CCNF: variants seen among roughly 807,000 people sequenced by gnomAD.
CCNF encodes the protein cyclin-F.
A neutral mutation model predicts 85.4 loss-of-function variants in CCNF; 30 were observed. That is an observed-to-expected ratio of 0.35 (90% CI 0.26 to 0.48). The LOEUF (loss-of-function observed/expected upper bound fraction) is 0.48. Among genes scored for constraint, CCNF ranks in the 20% least tolerant of loss-of-function variants. The pLI is 0.99. For synonymous variants in CCNF, 439 were observed against 425.1 expected (o/e 1.03, Z -0.40); for missense variants, 919 against 1,010.4 (o/e 0.91, Z 1.23).
intron 10 of CCNF, among the ~76,000 whole-genome samples, chr16:2,448,152 T>C: frequency 6.6e-6 from 1 of 152,232 alleles, no homozygotes; most frequent in Non-Finnish European, 1.5e-5. Flanking sequence ...CCAACAACCC[T>C]TGGGCCCTTT....
At chr16:2,450,857 C>T (rs779410813) in intron 13 of CCNF, among the ~76,000 whole-genome samples, 1 of 152,232 alleles carries the variant, frequency 6.6e-6, no homozygotes, top group African/African-American at 2.4e-5. Flanking sequence ...AAATACTCCC[C>T]TTCCCTTGAG....
chr16:2,432,072 C>T lies in CCNF; in HGVS notation c.171+788C>T, dbSNP rs181021092. Among the ~76,000 whole-genome samples, 139 of 152,186 alleles carry T rather than the reference C, an allele frequency of 9.1e-4. 2 individuals carry two copies. In the East Asian group the frequency reaches 0.02, roughly 22 times the overall value. ...GTCTCTATCTCTTGACCTCGTGATC[C>T]GCCCGCCTCGGCCTCCCAAAGTGCT... On this transcript the variant is annotated intron_variant, in intron 2 of 16. Transcript: ENST00000397066.
intron 3 of CCNF, among the ~76,000 whole-genome samples, chr16:2,433,892 G>C (rs2065274752): frequency 6.6e-6 from 1 of 152,256 alleles, no homozygotes; most frequent in Admixed American, 6.5e-5. Flanking sequence ...CAGAAATCCA[G>C]ATCGACAGCC....
In CCNF at chr16:2,456,938, T is replaced by A. The variant is rs1447138083; in HGVS notation, c.2279T>A (p.Val760Asp). The change falls in exon 17 of 17, where the codon GTT (valine) becomes GAT (aspartate). Residue 760 changes from valine (V) to aspartate (D), a missense_variant. Physicochemically the swap from Val to Asp is radical, Grantham distance 152 (BLOSUM62 -3). Coordinates refer to ENST00000397066, the MANE Select transcript of CCNF (RefSeq NM_001761.3). The surrounding 1 kb of genome is among the most constrained non-coding windows in gnomAD (Gnocchi z 4.5). ...CRPPSPPESS[V>D]PQQQVKRINL... Reference sequence around the variant, plus strand: ...CCCCCAAGTCCCCCGGAGAGCAGTGTTCCCCAGCAACAGGTGAAGCGGATA... The same window carrying A: ...CCCCCAAGTCCCCCGGAGAGCAGTGATCCCCAGCAACAGGTGAAGCGGATA... 6.2e-7 allele frequency: 1 copy of A among 1,613,852 alleles called. No homozygotes were observed. The highest frequency in any genetic ancestry group is 1.7e-5 in the Admixed American group (1 of 59,992).
Position 2,451,590 on chromosome 16 carries a change from G to T in CCNF, c.1488-1620G>T, listed in dbSNP as rs1463118770. Among the ~76,000 whole-genome samples the T allele has an allele frequency of 6.6e-6, 1 of 152,004 alleles. No homozygotes were observed. The highest frequency in any genetic ancestry group is 1.5e-5 in the Non-Finnish European group (1 of 67,990). On this transcript the variant is annotated intron_variant, in intron 13 of 16. Coordinates refer to ENST00000397066, the MANE Select transcript of CCNF (RefSeq NM_001761.3). This position sits in a 1 kb window ranked among gnomAD's most constrained non-coding sequence, Gnocchi z 4.3. The stretch of plus-strand genomic sequence containing the variant: ...TTTTTTTTCCTTTTTTGAGTTGGGG[G>T]CCCAGGCTGGAGTGCAGTGGCACCA...
chr16:2,437,647 G>A (rs1192219012), intron 5 of CCNF: 5 of 335,274 alleles, frequency 1.5e-5, no homozygotes, highest in Non-Finnish European at 2.8e-5. Context: ...CTAGCACTTT[G>A]GGAGGCCGAG....
At position 2,453,167 on chromosome 16, in the gene CCNF, T is replaced by G. The variant is rs1567390749; in HGVS notation, c.1488-43T>G. The G allele has an allele frequency of 6.5e-7, 1 of 1,546,054 alleles. No homozygotes were observed. Among genetic ancestry groups the G allele is most frequent in the Admixed American group, 1.7e-5 (1 of 59,862 alleles). ...CAGTGAACTGAAGCTAAAAATGGGG[T>G]GGGGGTGCCTCACATGTCCACTCCA... is the stretch of plus-strand genomic sequence containing the variant. On this transcript the variant is annotated intron_variant, in intron 13 of 16. Transcript: ENST00000397066. The surrounding 1 kb of genome is among the most constrained non-coding windows in gnomAD (Gnocchi z 5.6).
intron 9 of CCNF, among the ~76,000 whole-genome samples, chr16:2,444,199 G>A (rs1015979977): frequency 7.9e-5 from 12 of 151,876 alleles, no homozygotes; most frequent in Non-Finnish European, 1.2e-4. Flanking sequence ...GATTACAGGC[G>A]TGAGCCACCG....
chr16:2,438,950 A>G (rs943680269), intron 6 of CCNF, among the ~76,000 whole-genome samples: 1 of 151,742 alleles, frequency 6.6e-6, no homozygotes, highest in African/African-American at 2.4e-5. Context: ...GTTAGCCAAG[A>G]TCGTGCCACT....
At position 2,456,476 on chromosome 16, in the gene CCNF, G is replaced by T; in HGVS notation, c.1886-69G>T. ...TTCTTGACCTGGACTTCAGGGTCCT[G>T]ACCTGGCAGGGGGTCTCCCCTGATG... On this transcript the variant is annotated intron_variant, in intron 16 of 16. Coordinates refer to ENST00000397066, the MANE Select transcript of CCNF (RefSeq NM_001761.3). The surrounding 1 kb of genome is among the most constrained non-coding windows in gnomAD (Gnocchi z 4.5). The T allele has an allele frequency of 8.8e-7, 1 of 1,131,416 alleles. No individual in the cohort carries two copies. The highest frequency in any genetic ancestry group is 1.6e-5 in the South Asian group (1 of 62,274). 70.1% of individuals were successfully genotyped at this position (1,131,416 alleles called of 1,614,324 possible).
intron 10 of CCNF, among the ~76,000 whole-genome samples, chr16:2,446,965 A>T (rs12926965): frequency 0.75 from 114,650 of 152,130 alleles, 44,136 homozygotes; most frequent in African/African-American, 0.92. Context: ...CCATGGAAGG[A>T]GGGAGCAAAC....
chr16:2,445,792 A>T (rs1169486242), intron 10 of CCNF, among the ~76,000 whole-genome samples, 170 bp downstream of exon 10: 2 of 145,454 alleles, frequency 1.4e-5, no homozygotes, highest in Non-Finnish European at 3.0e-5. Flanking sequence ...CAGTGGTGCG[A>T]TCTTGGCTCA....
rs1157619960 is a variant in CCNF at position 2,457,617 on chromosome 16, ACGTGACT to A, written c.*601_*607del. 3 of 152,556 alleles carry A rather than the reference ACGTGACT, an allele frequency of 2.0e-5. No homozygotes were observed. Among genetic ancestry groups the A allele is most frequent in the African/African-American group, 7.2e-5 (3 of 41,588 alleles). 9.5% of individuals were successfully genotyped at this position (152,556 alleles called of 1,614,324 possible). ...TGGCCACAGGCCCACTCCCTACGAC[ACGTGACT>A]CGTTTTAGAGCTCTGTCCCAGAGGC... is the stretch of plus-strand genomic sequence containing the variant. On this transcript the variant is annotated 3_prime_UTR_variant, in exon 17 of 17. Coordinates refer to ENST00000397066, the MANE Select transcript of CCNF (RefSeq NM_001761.3).
chr16:2,431,024 T>C, intron 1 of CCNF, 106 bp from the exon 2 acceptor site: 1 of 1,152,836 alleles, frequency 8.7e-7, no homozygotes, highest in Non-Finnish European at 1.3e-6. Flanking sequence ...ATAGTAACCA[T>C]TAGATCATCT....
rs1463200259 is a variant in CCNF, at chr16:2,452,507, C to G, written c.1488-703C>G. On this transcript the variant is annotated intron_variant, in intron 13 of 16. Transcript: ENST00000397066. This position sits in a 1 kb window ranked among gnomAD's most constrained non-coding sequence, Gnocchi z 4.1. The stretch of plus-strand genomic sequence containing the variant: ...TCTGGGCTGCGTTTATTCTCTTCCT[C>G]CTGAAGAAGTTAATTTTTTTTCCAA... 6.6e-6 allele frequency: 1 copy of G among 152,344 alleles called. No homozygotes were observed. The highest frequency in any genetic ancestry group is 1.5e-5 in the Non-Finnish European group (1 of 68,176). The allele number at this position is 152,344 out of a possible 1,614,324, so 9.4% of individuals were successfully genotyped here.
At chr16:2,454,957 G>T (rs2141831897) in intron 15 of CCNF, among the ~76,000 whole-genome samples, 1 of 151,460 alleles carries the variant, frequency 6.6e-6, no homozygotes, top group African/African-American at 2.4e-5. Context: ...CTACTCAGGA[G>T]CCTGAGGCAG....
At chr16:2,441,977 A>ATATATC (rs1411330927) in intron 8 of CCNF, among the ~76,000 whole-genome samples, 15 of 95,856 alleles carry the variant, frequency 1.6e-4, no homozygotes, top group Non-Finnish European at 3.1e-4. Flanking sequence ...ATATATATAT[A>ATATATC]TATATGTTTT....
intron 2 of CCNF, among the ~76,000 whole-genome samples, chr16:2,431,669 G>A: frequency 9.6e-6 from 1 of 104,470 alleles, no homozygotes. Context: ...GACAGAGCGA[G>A]ACTCTGTCTC....
At chr16:2,449,793 C>T (rs1484512179) in intron 12 of CCNF, 35 bp from the exon 13 acceptor site, 4 of 1,269,828 alleles carry the variant, frequency 3.2e-6, no homozygotes, top group Non-Finnish European at 4.6e-6. Flanking sequence ...CCGTCCCCTC[C>T]ATCCCCTCCA....
Sources: gnomAD v4.1 joint callset for allele counts (sites outside exome capture counted in the v4.1 genomes callset) on GRCh38, gnomAD v4.1.1 for gene constraint, Gnocchi (gnomAD v3.1) non-coding constraint, MANE v1.5 for transcripts, NCBI Gene and HGNC (gene_info 2026-07-23, HGNC 2026-07-21) for gene names.